UTRN: variants seen among roughly 807,000 people sequenced by gnomAD.
UTRN encodes the protein utrophin.
In UTRN, 283 loss-of-function variants were observed where a neutral mutation model predicts 463.9. That is an observed-to-expected ratio of 0.61 (90% CI 0.55 to 0.67). The LOEUF is 0.67. Ranked by LOEUF, UTRN falls within the 30% of genes least tolerant of loss-of-function variation. UTRN has a pLI of 0.00. For missense variants in UTRN, 3,922 were observed against 4,084.3 expected (o/e 0.96, Z 1.08); for synonymous variants, 1,442 against 1,431.5 (o/e 1.01, Z -0.17).
At chr6:144,431,025 A>C (rs1785784384) in intron 9 of UTRN, among the ~76,000 whole-genome samples, 2 of 152,208 alleles carry the variant, frequency 1.3e-5, no homozygotes, top group Non-Finnish European at 2.9e-5. Flanking sequence ...GATGCTGAGG[A>C]AAATTCCTAA....
chr6:144,421,855 T>G, intron 3 of UTRN, 23 bp from the exon 4 acceptor site: 1 of 1,597,128 alleles, frequency 6.3e-7, no homozygotes, highest in Non-Finnish European at 8.5e-7. Context: ...ACCCCATATT[T>G]TATTTGTGTT....
At chr6:144,456,551 G>A (rs1161567471) in intron 19 of UTRN, among the ~76,000 whole-genome samples, 1 of 151,750 alleles carries the variant, frequency 6.6e-6, no homozygotes, top group Non-Finnish European at 1.5e-5. Flanking sequence ...TACTCAGGAG[G>A]CTGAGGCAGG....
chr6:144,685,314 A>T (rs1585998654), intron 52 of UTRN, among the ~76,000 whole-genome samples: 1 of 152,158 alleles, frequency 6.6e-6, no homozygotes, highest in South Asian at 2.1e-4. Context: ...AATCTTTGCA[A>T]TTGTGGATTG....
chr6:144,793,724 C>A, intron 62 of UTRN, 110 bp from the exon 63 acceptor site: 1 of 1,344,404 alleles, frequency 7.4e-7, no homozygotes, highest in Non-Finnish European at 1.0e-6. Context: ...GATTCATGTC[C>A]TTCTGAAATT....
At chr6:144,667,186 C>T (rs1384833492) in intron 51 of UTRN, among the ~76,000 whole-genome samples, 1 of 152,104 alleles carries the variant, frequency 6.6e-6, no homozygotes, top group Non-Finnish European at 1.5e-5. Flanking sequence ...TCCCGAGTAG[C>T]TGGGATTACA....
At chr6:144,579,756 G>T (rs1278431320) in intron 51 of UTRN, among the ~76,000 whole-genome samples, 1 of 152,092 alleles carries the variant, frequency 6.6e-6, no homozygotes, top group Non-Finnish European at 1.5e-5. Context: ...TATTACTTTA[G>T]TGTTGCTAAA....
chr6:144,314,756 G>A (rs113114170), intron 2 of UTRN, among the ~76,000 whole-genome samples: 1 of 152,062 alleles, frequency 6.6e-6, no homozygotes, highest in Non-Finnish European at 1.5e-5. Flanking sequence ...TTCAGGTCAC[G>A]TTTTGCTGCC....
At chr6:144,717,658 CAG>C (rs1786650948) in intron 53 of UTRN, among the ~76,000 whole-genome samples, 2 of 107,408 alleles carry the variant, frequency 1.9e-5, no homozygotes, top group East Asian at 6.5e-4. Flanking sequence ...TTTTTTGAGA[CAG>C]AGTCTCGCCC....
At chr6:144,655,450 T>A (rs79851220) in intron 51 of UTRN, among the ~76,000 whole-genome samples, 1 of 152,222 alleles carries the variant, frequency 6.6e-6, no homozygotes, top group Non-Finnish European at 1.5e-5. Context: ...TATATTTCTT[T>A]CACAAGAAAT....
intron 9 of UTRN, among the ~76,000 whole-genome samples, chr6:144,433,400 G>A (rs1786123293): frequency 6.6e-6 from 1 of 151,296 alleles, no homozygotes; most frequent in Non-Finnish European, 1.5e-5. Context: ...GTGGCTGCCG[G>A]GCGGAGACGC....
rs1241912936 is a variant in UTRN at position 144,433,259 on chromosome 6, C to T, written c.856-2676C>T. Among the ~76,000 whole-genome samples the T allele has an allele frequency of 3.1e-4, 46 of 150,402 alleles. No individual in the cohort carries two copies. In the South Asian group the frequency reaches 6.5e-3, roughly 21 times the overall value. Reference sequence around the variant, plus strand: ...GGGGCTCCTCACTTCCCAGTAGGGGCGGCCAGGCAGAGGCGCCCCTCACCT... The same window carrying T: ...GGGGCTCCTCACTTCCCAGTAGGGGTGGCCAGGCAGAGGCGCCCCTCACCT... On this transcript the variant is annotated intron_variant, in intron 9 of 74. Transcript: ENST00000367545.
chr6:144,607,060 G>A (rs1315527570), intron 51 of UTRN, among the ~76,000 whole-genome samples: 1 of 152,138 alleles, frequency 6.6e-6, no homozygotes, highest in Admixed American at 6.6e-5. Flanking sequence ...TCTCTTTAAA[G>A]GTAAAACTCA....
Position 144,575,054 on chromosome 6 carries a change from G to T in UTRN, c.7290-2045G>T, listed in dbSNP as rs75859116. 6.0e-3 allele frequency among the ~76,000 whole-genome samples: 908 copies of T among 152,160 alleles called. 19 individuals are homozygous for T. Among genetic ancestry groups the T allele is most frequent in the East Asian group, 0.056 (292 of 5,184 alleles). ...TACTCCACATTCCTGCCAACCCTTGGTATAGTCATTTTCTTAAAGCCGTTT... is the reference window on the plus strand; with the variant it reads ...TACTCCACATTCCTGCCAACCCTTGTTATAGTCATTTTCTTAAAGCCGTTT... On this transcript the variant is annotated intron_variant, in intron 50 of 74. Transcript: ENST00000367545.
At chr6:144,358,219 C>T (rs1210204367) in intron 2 of UTRN, among the ~76,000 whole-genome samples, 1 of 152,142 alleles carries the variant, frequency 6.6e-6, no homozygotes, top group Non-Finnish European at 1.5e-5. Flanking sequence ...ATGACTGCTA[C>T]TTTTGATAAA....
intron 3 of UTRN, among the ~76,000 whole-genome samples, chr6:144,406,297 A>G (rs1055494381): frequency 2.0e-5 from 3 of 150,904 alleles, no homozygotes; most frequent in Admixed American, 1.3e-4. Flanking sequence ...TAATCTGCTA[A>G]TTGGTTCTTC....
At chr6:144,300,295 A>G (rs1967671) in intron 2 of UTRN, among the ~76,000 whole-genome samples, 45,954 of 151,914 alleles carry the variant, frequency 0.3, 10,509 homozygotes, top group African/African-American at 0.65. Flanking sequence ...TCACCATGTC[A>G]GCCAGGCTGG....
At chr6:144,314,776 A>G (rs1263035764) in intron 2 of UTRN, among the ~76,000 whole-genome samples, 1 of 152,168 alleles carries the variant, frequency 6.6e-6, no homozygotes, top group East Asian at 1.9e-4. Flanking sequence ...CAAATGGGTT[A>G]TGGAAAAAGC....
intron 41 of UTRN, among the ~76,000 whole-genome samples, chr6:144,525,136 G>C (rs1043585509): frequency 6.6e-6 from 1 of 152,004 alleles, no homozygotes; most frequent in East Asian, 1.9e-4. Context: ...CAGGGATTTG[G>C]TCTGTAGTTT....
At chr6:144,516,146 C>T in intron 37 of UTRN, 83 bp from the exon 38 acceptor site, 1 of 1,397,254 alleles carries the variant, frequency 7.2e-7, no homozygotes. Context: ...GTGTTAGTTT[C>T]TCTCTTGACA....
Sources: allele counts gnomAD v4.1 joint callset (sites outside exome capture counted in the v4.1 genomes callset), GRCh38; gene constraint gnomAD v4.1.1; transcripts MANE v1.5; gene names NCBI Gene and HGNC (gene_info 2026-07-23, HGNC 2026-07-21).